The following SVIL variants were observed in gnomAD, a reference collection of about 807,000 sequenced individuals.
The protein encoded by SVIL is archvillin.
In SVIL, 101 loss-of-function variants were observed where a neutral mutation model predicts 240.4. The ratio of observed to expected loss-of-function variants is 0.42; its 90% confidence interval spans 0.36 to 0.50. The LOEUF is 0.50. Among genes scored for constraint, SVIL ranks in the 20% least tolerant of loss-of-function variants. The pLI, the probability that SVIL is intolerant of heterozygous loss-of-function variation, is 0.01. For missense variants in SVIL, 2,512 were observed against 2,818.7 expected (o/e 0.89, Z 2.46); for synonymous variants, 999 against 1,100.0 (o/e 0.91, Z 1.82).
At position 29,526,979 on chromosome 10, in the gene SVIL, C is replaced by T; in HGVS notation, c.2324G>A (p.Ser775Asn). The change falls in exon 13 of 38, where the codon AGC becomes AAC. Residue 775 changes from serine (S) to asparagine (N), a missense_variant. Transcript: ENST00000355867. ...CCAGTACCTGGCAGGCTGCACAGCG[C>T]TCCTAGCTACAGTGGGGCTAGGAAG... Reference protein sequence around the residue: ...ARLPSPTVARSAVQPARLQAS... With the variant: ...ARLPSPTVARNAVQPARLQAS... The T allele has an allele frequency of 1.2e-6, 2 of 1,608,170 alleles. No individual in the cohort carries two copies. Among genetic ancestry groups the T allele is most frequent in the South Asian group, 1.1e-5 (1 of 89,958 alleles).
At chr10:29,663,748 G>A (rs1959184277) in intron 2 of SVIL, among the ~76,000 whole-genome samples, 1 of 152,196 alleles carries the variant, frequency 6.6e-6, no homozygotes, top group South Asian at 2.1e-4. Context: ...TATGTTTTCA[G>A]TGTTTCATGG....
chr10:29,601,679 C>A (rs1956818726), intron 1 of SVIL, among the ~76,000 whole-genome samples: 1 of 152,192 alleles, frequency 6.6e-6, no homozygotes, highest in African/African-American at 2.4e-5. Flanking sequence ...GAGTTCAAAG[C>A]CCAGCTCTAG....
intron 1 of SVIL, among the ~76,000 whole-genome samples, chr10:29,689,831 A>G (rs1448506334): frequency 6.6e-6 from 1 of 152,212 alleles, no homozygotes; most frequent in Admixed American, 6.5e-5. Context: ...CCTCCCACAG[A>G]TGTATGTCCA....
At chr10:29,694,231 C>CAA (rs61095076) in intron 1 of SVIL, among the ~76,000 whole-genome samples, 3,447 of 99,730 alleles carry the variant, frequency 0.035, 150 homozygotes, top group African/African-American at 0.11. Flanking sequence ...CTGTGTCTAC[C>CAA]AAAAAAAAAA....
chr10:29,530,217 T>C (rs1377419402), intron 11 of SVIL, among the ~76,000 whole-genome samples: 2 of 151,592 alleles, frequency 1.3e-5, no homozygotes, highest in Non-Finnish European at 2.9e-5. Flanking sequence ...GGAAAGGAAA[T>C]GGGGGTAGTA....
intron 1 of SVIL, among the ~76,000 whole-genome samples, chr10:29,595,852 C>T (rs555969484): frequency 7.2e-5 from 11 of 152,298 alleles, no homozygotes; most frequent in East Asian, 5.8e-4. Flanking sequence ...TCATTCCACA[C>T]GTGGCCCTAG....
chr10:29,639,293 T>A (rs1028674091), upstream of SVIL, among the ~76,000 whole-genome samples: 2 of 152,006 alleles, frequency 1.3e-5, no homozygotes, highest in Admixed American at 1.3e-4. Flanking sequence ...TGCCTCAGCC[T>A]CCGGAGTAGC....
chr10:29,575,985 AATCT>A (rs1955679007), intron 1 of SVIL: 1 of 404,584 alleles, frequency 2.5e-6, no homozygotes, highest in African/African-American at 2.2e-5. Flanking sequence ...ATCACTGATG[AATCT>A]TTATGACTGA....
chr10:29,680,909 A>G (rs1382655198), intron 2 of SVIL, among the ~76,000 whole-genome samples: 2 of 143,218 alleles, frequency 1.4e-5, no homozygotes, highest in South Asian at 4.4e-4. Flanking sequence ...ACAGAGTGAG[A>G]CTCCATCTCA....
chr10:29,520,737 C>T (rs1393174350), intron 16 of SVIL, among the ~76,000 whole-genome samples: 2 of 151,744 alleles, frequency 1.3e-5, no homozygotes, highest in Non-Finnish European at 2.9e-5. Context: ...GTGAGACCTC[C>T]CAACTCTACA....
chr10:29,653,852 T>C (rs907968812), intron 3 of SVIL, among the ~76,000 whole-genome samples: 2 of 152,174 alleles, frequency 1.3e-5, no homozygotes, highest in Admixed American at 1.3e-4. Context: ...ACTGATTTAC[T>C]GAAAATTAAT....
chr10:29,486,914 T>C (rs1262843540), intron 24 of SVIL, among the ~76,000 whole-genome samples: 1 of 152,186 alleles, frequency 6.6e-6, no homozygotes, highest in Non-Finnish European at 1.5e-5. Context: ...GCTTCCTTTT[T>C]TACACAGGAG....
At chr10:29,518,024 C>T (rs1170625092) in intron 16 of SVIL, among the ~76,000 whole-genome samples, 2 of 152,088 alleles carry the variant, frequency 1.3e-5, no homozygotes, top group Non-Finnish European at 2.9e-5. Flanking sequence ...TGGGAAAAGT[C>T]GATTGCATCC....
intron 1 of SVIL, among the ~76,000 whole-genome samples, chr10:29,594,508 G>A (rs1476224228): frequency 1.3e-5 from 2 of 151,914 alleles, no homozygotes; most frequent in Admixed American, 6.6e-5. Context: ...GGCTGTGCAA[G>A]TGGGAGGCGA....
At chr10:29,558,847 G>A (rs1954184501) in intron 3 of SVIL, among the ~76,000 whole-genome samples, 1 of 150,862 alleles carries the variant, frequency 6.6e-6, no homozygotes, top group Admixed American at 6.6e-5. Context: ...AGAATTGCTT[G>A]AACCCGGGAG....
At chr10:29,677,389 G>A (rs942767085) in intron 2 of SVIL, among the ~76,000 whole-genome samples, 1 of 152,136 alleles carries the variant, frequency 6.6e-6, no homozygotes, top group Admixed American at 6.6e-5. Context: ...ACCTAGCCCT[G>A]AATGCTGTCA....
chr10:29,703,642 G>A (rs1044833975), intron 1 of SVIL, among the ~76,000 whole-genome samples: 5 of 152,202 alleles, frequency 3.3e-5, no homozygotes, highest in Admixed American at 6.5e-5. Flanking sequence ...AGACACCAAC[G>A]TCCAGGGGGA....
intron 3 of SVIL, among the ~76,000 whole-genome samples, chr10:29,651,543 C>T (rs534436655): frequency 6.6e-6 from 1 of 152,110 alleles, no homozygotes; most frequent in Admixed American, 6.6e-5. Flanking sequence ...TCTCCTTCCT[C>T]CCTGGCTGGC....
chr10:29,587,154 G>A (rs547073834), intron 1 of SVIL, among the ~76,000 whole-genome samples: 10 of 152,330 alleles, frequency 6.6e-5, no homozygotes, highest in African/African-American at 2.2e-4. Flanking sequence ...TCTGTCCTTC[G>A]GACAGTCACC....
Sources: allele counts gnomAD v4.1 joint callset (sites outside exome capture counted in the v4.1 genomes callset), GRCh38; gene constraint gnomAD v4.1.1; transcripts MANE v1.5; gene names NCBI Gene and HGNC (gene_info 2026-07-23, HGNC 2026-07-21).